The following FLNB variants were observed in gnomAD, a reference collection of about 807,000 sequenced individuals.
FLNB encodes the protein filamin B, also known as filamin-B.
FLNB carries 111 observed loss-of-function variants against 250.6 expected under a neutral mutation model. The observed-to-expected ratio is 0.44, with a 90% CI of 0.38 to 0.52. The LOEUF is 0.52. FLNB is among the 20% of genes least tolerant of loss of function. The pLI is 0.00. For missense variants in FLNB, 2,869 were observed against 3,447.8 expected, an observed-to-expected ratio of 0.83 and a Z score of 4.20; for synonymous variants, 1,302 against 1,372.1, an observed-to-expected ratio of 0.95 and a Z score of 1.13.
rs574189101 is a variant in FLNB at position 58,124,480 on chromosome 3, G to C, written c.3873G>C (p.Gln1291His). The C allele has an allele frequency of 1.6e-4, 251 of 1,614,226 alleles. 3 individuals carry two copies. The South Asian group carries it at 2.6e-3, about 17-fold the overall frequency. Residue 1291 changes from glutamine (Q) to histidine (H), a missense_variant, in exon 22 of 46, where the codon CAG (glutamine) becomes CAC (histidine). By Grantham distance (24) the Gln-to-His change is conservative. Around this residue, in one of 5 missense-constraint regions of FLNB, gnomAD observed 1,348 missense variants for 1,466.7 expected, o/e 0.92. Coordinates refer to ENST00000295956, the MANE Select transcript of FLNB (RefSeq NM_001457.4). ...CAGACAATGCGGATGGGACCTACCA[G>C]GTGGAATACACACCCTTTGAGAAAG... Reference protein sequence around the residue: ...FVTDNADGTYQVEYTPFEKGL... With the variant: ...FVTDNADGTYHVEYTPFEKGL...
chr3:58,138,647 T>C (rs1389123354), intron 29 of FLNB, 118 bp downstream of exon 29: 4 of 1,294,824 alleles, frequency 3.1e-6, no homozygotes, highest in Non-Finnish European at 4.4e-6. Flanking sequence ...GAAAAAAATT[T>C]GTTAAGCAGT....
chr3:58,148,988 T>A lies in FLNB; in HGVS notation c.6091+136T>A, dbSNP rs1575460360. ...CAAGCTATAGGTCCTTCTGCCTGCA[T>A]TGTCTTTTATGCCTCATGACCATTG... On this transcript the variant is annotated intron_variant, in intron 36 of 45. Coordinates refer to ENST00000295956, the MANE Select transcript of FLNB (RefSeq NM_001457.4). The A allele has an allele frequency of 2.5e-5, 20 of 801,792 alleles. No individual in the cohort carries two copies. In the East Asian group the frequency reaches 4.7e-4, roughly 19 times the overall value. The allele number at this position is 801,792 out of a possible 1,614,324, so 49.7% of individuals were successfully genotyped here. A position where few individuals can be genotyped will look rare whatever the true frequency, so the allele number is the denominator to read the frequency against.
At chr3:58,120,242 T>A (rs1023704677) in intron 19 of FLNB, among the ~76,000 whole-genome samples, 3 of 152,224 alleles carry the variant, frequency 2.0e-5, no homozygotes, top group Non-Finnish European at 4.4e-5. Context: ...GCTCTGAGTG[T>A]GTAAACGTCC....
At chr3:58,090,561 T>C (rs922359856) in intron 4 of FLNB, among the ~76,000 whole-genome samples, 1 of 152,236 alleles carries the variant, frequency 6.6e-6, no homozygotes, top group South Asian at 2.1e-4. Flanking sequence ...AGTAATGCGA[T>C]GCGTTACTGT....
intron 4 of FLNB, among the ~76,000 whole-genome samples, chr3:58,092,579 G>A (rs1009753269): frequency 6.6e-6 from 1 of 152,150 alleles, no homozygotes; most frequent in Non-Finnish European, 1.5e-5. Flanking sequence ...CTGGGAGGTC[G>A]AGGTTGCAGT....
At chr3:58,166,542 C>T (rs1360108578) in intron 43 of FLNB, among the ~76,000 whole-genome samples, 1 of 152,126 alleles carries the variant, frequency 6.6e-6, no homozygotes, top group Non-Finnish European at 1.5e-5. Context: ...TCTTTTTGGC[C>T]TGGCACAGTG....
intron 1 of FLNB, among the ~76,000 whole-genome samples, chr3:58,014,650 G>A (rs1035717420): frequency 2.0e-5 from 3 of 152,224 alleles, no homozygotes; most frequent in African/African-American, 7.2e-5. Context: ...GCTCCTTAGG[G>A]GAGCAGATAC....
In FLNB at chr3:58,118,869, C is replaced by G. The variant is rs202103586; in HGVS notation, c.2746-3C>G. The G allele has an allele frequency of 6.2e-6, 10 of 1,612,220 alleles. No individual in the cohort carries two copies. In the Admixed American group the frequency reaches 1.7e-4, roughly 27 times the overall value. ...GTAAACTGAGTTTTCTCTCTTGTTC[C>G]AGGGCAACATGCAGGTTCTGGTGAC... On this transcript the variant is annotated splice_polypyrimidine_tract_variant and splice_region_variant and intron_variant, in intron 18 of 45. Coordinates refer to ENST00000295956, the MANE Select transcript of FLNB (RefSeq NM_001457.4).
chr3:58,143,411 C>T, intron 31 of FLNB, 62 bp from the exon 32 acceptor site: 1 of 1,591,178 alleles, frequency 6.3e-7, no homozygotes, highest in South Asian at 1.1e-5. Flanking sequence ...GTGCCTTGGG[C>T]TCTGCTTCTC....
At chr3:58,031,370 G>T (rs2097130739) in intron 1 of FLNB, among the ~76,000 whole-genome samples, 3 of 151,882 alleles carry the variant, frequency 2.0e-5, no homozygotes, top group African/African-American at 7.3e-5. Context: ...AGCCTCCCGA[G>T]TAGCTGGGAC....
chr3:58,120,561 G>T (rs1052674519), intron 19 of FLNB, among the ~76,000 whole-genome samples: 2 of 152,198 alleles, frequency 1.3e-5, no homozygotes, highest in African/African-American at 4.8e-5. Flanking sequence ...GCTTTGCAGA[G>T]ACCTTTTGGA....
At chr3:58,170,070 G>A (rs183919801) in intron 45 of FLNB, among the ~76,000 whole-genome samples, 12 of 152,292 alleles carry the variant, frequency 7.9e-5, no homozygotes, top group Admixed American at 2.0e-4. Context: ...ACCTAGTACC[G>A]CCACTTCATT....
At chr3:58,013,291 T>G (rs1321585770) in intron 1 of FLNB, among the ~76,000 whole-genome samples, 1 of 152,098 alleles carries the variant, frequency 6.6e-6, no homozygotes, top group African/African-American at 2.4e-5. Context: ...ACCCTAAAGT[T>G]TACTTGACTG....
At chr3:58,041,775 T>TG (rs2097146344) in intron 1 of FLNB, among the ~76,000 whole-genome samples, 1 of 152,140 alleles carries the variant, frequency 6.6e-6, no homozygotes, top group South Asian at 2.1e-4. Context: ...AAATCCTTCC[T>TG]GGAACCCTGC....
At chr3:58,064,646 A>T (rs573658833) in intron 1 of FLNB, among the ~76,000 whole-genome samples, 1 of 152,084 alleles carries the variant, frequency 6.6e-6, no homozygotes, top group Admixed American at 6.5e-5. Flanking sequence ...GTTACCTGAG[A>T]ATAGCTCTGT....
intron 1 of FLNB, among the ~76,000 whole-genome samples, chr3:58,038,519 G>C (rs1463224768): frequency 6.6e-6 from 1 of 151,612 alleles, no homozygotes; most frequent in African/African-American, 2.4e-5. Flanking sequence ...AAATTGCTGG[G>C]CTCAAGCAAT....
chr3:58,126,786 C>T, intron 24 of FLNB, 24 bp downstream of exon 24: 1 of 1,607,128 alleles, frequency 6.2e-7, no homozygotes, highest in Non-Finnish European at 8.5e-7. Flanking sequence ...CAGAGAGGAC[C>T]CCAGAGAATA....
At chr3:58,065,548 G>A (rs1576658576) in intron 1 of FLNB, among the ~76,000 whole-genome samples, 1 of 152,342 alleles carries the variant, frequency 6.6e-6, no homozygotes, top group Middle Eastern at 3.4e-3. Flanking sequence ...ACCCTCACAG[G>A]GTCATTGTGA....
At chr3:58,094,643 C>T (rs1177339020) in intron 4 of FLNB, among the ~76,000 whole-genome samples, 193 bp from the exon 5 acceptor site, 1 of 152,174 alleles carries the variant, frequency 6.6e-6, no homozygotes, top group African/African-American at 2.4e-5. Flanking sequence ...TTGGATATTA[C>T]TTCAATAACA....
Sources: gnomAD v4.1 joint callset for allele counts (sites outside exome capture counted in the v4.1 genomes callset) on GRCh38, gnomAD v4.1.1 for gene constraint, gnomAD v4.1.1 regional missense constraint, MANE v1.5 for transcripts, NCBI Gene and HGNC (gene_info 2026-07-23, HGNC 2026-07-21) for gene names.